MTCL3: variants seen among roughly 807,000 people sequenced by gnomAD.
MTCL3 encodes MTCL family member 3, also known as microtubule cross-linking factor 3.
chr6:127,512,948 G>A, the MTCL3 span: 292 of 1,612,276 alleles, frequency 1.8e-4, no homozygotes, highest in Non-Finnish European at 2.3e-4. Flanking sequence ...CAACTTCTAT[G>A]AGCTGTTGCC....
the MTCL3 span, chr6:127,515,506 C>A: frequency 6.9e-7 from 1 of 1,439,894 alleles, no homozygotes; most frequent in East Asian, 2.7e-5. The surrounding 1 kb of genome is among the most constrained non-coding windows in gnomAD (Gnocchi z 4.3). Flanking sequence ...TCCCCCCACC[C>A]TCCTCACCTT....
At chr6:127,510,746 A>G in the MTCL3 span, among the ~76,000 whole-genome samples, 1 of 152,242 alleles carries the variant, frequency 6.6e-6, no homozygotes. Flanking sequence ...AATGGCGCCT[A>G]TGAGACTGAC....
chr6:127,514,008 G>A, the MTCL3 span, among the ~76,000 whole-genome samples: 1 of 152,148 alleles, frequency 6.6e-6, no homozygotes, highest in South Asian at 2.1e-4. Flanking sequence ...AAGATTACAC[G>A]TGATCTTTAA....
the MTCL3 span, chr6:127,482,934 CT>C: frequency 1.1e-5 from 18 of 1,606,338 alleles, no homozygotes; most frequent in Admixed American, 5.1e-5. This position sits in a 1 kb window ranked among gnomAD's most constrained non-coding sequence, Gnocchi z 4.1. Flanking sequence ...TCTGTTGAGC[CT>C]TTTTTTCAGA....
chr6:127,482,877 A>G, the MTCL3 span: 305 of 1,477,386 alleles, frequency 2.1e-4, 1 homozygote, highest in Non-Finnish European at 9.3e-7. The surrounding 1 kb of genome is among the most constrained non-coding windows in gnomAD (Gnocchi z 4.1). Context: ...ACTTAGAGGT[A>G]CTTGGTGTAC....
chr6:127,505,829 C>T, the MTCL3 span, among the ~76,000 whole-genome samples: 1 of 152,060 alleles, frequency 6.6e-6, no homozygotes, highest in East Asian at 1.9e-4. Context: ...TCTGTGTTAT[C>T]TACATGGCCA....
the MTCL3 span, among the ~76,000 whole-genome samples, chr6:127,506,373 T>C: frequency 0.064 from 9,801 of 152,230 alleles, 371 homozygotes; most frequent in East Asian, 0.11. Context: ...TCAGTGTTGC[T>C]TCTGTATCTG....
the MTCL3 span, among the ~76,000 whole-genome samples, chr6:127,484,673 G>C: frequency 1.3e-5 from 2 of 152,036 alleles, no homozygotes; most frequent in African/African-American, 4.8e-5. Flanking sequence ...TGTGATCTTT[G>C]CTCTTTTGGG....
the MTCL3 span, among the ~76,000 whole-genome samples, chr6:127,494,061 A>T: frequency 1.3e-5 from 2 of 152,194 alleles, no homozygotes; most frequent in South Asian, 4.1e-4. Context: ...CACAGGGCCA[A>T]ATAGGTTTGC....
chr6:127,510,940 G>A, the MTCL3 span, among the ~76,000 whole-genome samples: 1 of 152,210 alleles, frequency 6.6e-6, no homozygotes, highest in African/African-American at 2.4e-5. Context: ...ATTAAAATGA[G>A]GGGCGGGTGT....
chr6:127,507,842 CAAAAAA>C, the MTCL3 span, among the ~76,000 whole-genome samples: 17 of 82,076 alleles, frequency 2.1e-4, no homozygotes, highest in African/African-American at 9.7e-4. Flanking sequence ...GACTATGTCT[CAAAAAA>C]AAAAAAAAAA....
the MTCL3 span, chr6:127,476,036 C>T: frequency 6.2e-7 from 1 of 1,611,906 alleles, no homozygotes; most frequent in South Asian, 1.1e-5. This position sits in a 1 kb window ranked among gnomAD's most constrained non-coding sequence, Gnocchi z 4.4. Flanking sequence ...TCCAGGTCGG[C>T]CACGTTCCTC....
chr6:127,516,911 T>C, the MTCL3 span, among the ~76,000 whole-genome samples: 1 of 152,126 alleles, frequency 6.6e-6, no homozygotes, highest in Non-Finnish European at 1.5e-5. Context: ...CTCAGCAAAA[T>C]GACGGATCTG....
chr6:127,486,770 T>A, the MTCL3 span, among the ~76,000 whole-genome samples: 5 of 152,138 alleles, frequency 3.3e-5, no homozygotes, highest in Non-Finnish European at 7.4e-5. Context: ...TTCACAGCAA[T>A]GATATAAAAT....
chr6:127,476,746 C>T, the MTCL3 span, among the ~76,000 whole-genome samples: 1 of 152,210 alleles, frequency 6.6e-6, no homozygotes, highest in Non-Finnish European at 1.5e-5. The surrounding 1 kb of genome is among the most constrained non-coding windows in gnomAD (Gnocchi z 4.4). Context: ...TATGTTGTAA[C>T]TGCATACAAC....
the MTCL3 span, chr6:127,515,066 G>C: frequency 1.2e-3 from 1,963 of 1,608,778 alleles, 51 homozygotes; most frequent in East Asian, 0.04. This position sits in a 1 kb window ranked among gnomAD's most constrained non-coding sequence, Gnocchi z 4.3. Flanking sequence ...GTGACAGGCC[G>C]CGTGTCAAAA....
the MTCL3 span, among the ~76,000 whole-genome samples, chr6:127,511,205 T>C: frequency 6.6e-6 from 1 of 152,220 alleles, no homozygotes; most frequent in Admixed American, 6.5e-5. Flanking sequence ...CCAGCCCTAC[T>C]AACACCTTGA....
At chr6:127,500,461 A>G in the MTCL3 span, among the ~76,000 whole-genome samples, 1 of 152,356 alleles carries the variant, frequency 6.6e-6, no homozygotes, top group South Asian at 2.1e-4. Context: ...CTATGATCTC[A>G]GAATTGTAGA....
chr6:127,516,420 A>G, the MTCL3 span: 1 of 1,600,370 alleles, frequency 6.2e-7, no homozygotes, highest in Non-Finnish European at 8.5e-7. Context: ...AATTGAGTTT[A>G]GTGCCGGCCC....
Sources: gnomAD v4.1 joint callset for allele counts (sites outside exome capture counted in the v4.1 genomes callset) on GRCh38, gnomAD v4.1.1 for gene constraint, Gnocchi (gnomAD v3.1) non-coding constraint, MANE v1.5 for transcripts, NCBI Gene and HGNC (gene_info 2026-07-23, HGNC 2026-07-21) for gene names.